The following NCALD variants were observed in gnomAD, a reference collection of about 807,000 sequenced individuals.
The protein encoded by NCALD is neurocalcin-delta.
A neutral mutation model predicts 18.6 loss-of-function variants in NCALD; 10 were observed. The observed-to-expected ratio is 0.54, with a 90% CI of 0.33 to 0.91. The LOEUF is 0.91. NCALD is among the 40% of genes least tolerant of loss of function. The pLI is 0.03. For synonymous variants in NCALD, 88 were observed against 87.4 expected, an observed-to-expected ratio of 1.01 and a Z score of -0.04; for missense variants, 184 against 247.6, an observed-to-expected ratio of 0.74 and a Z score of 1.72.
chr8:102,005,883 T>C (rs1056684367), intron 2 of NCALD, among the ~76,000 whole-genome samples: 5 of 13,406 alleles, frequency 3.7e-4, no homozygotes, highest in Non-Finnish European at 5.8e-4. Context: ...TGTTGTGGGG[T>C]GGGGGGGCAG....
chr8:101,964,661 T>C (rs1434757027), intron 2 of NCALD, among the ~76,000 whole-genome samples: 2 of 152,156 alleles, frequency 1.3e-5, no homozygotes, highest in East Asian at 3.9e-4. Flanking sequence ...GTTTGGTGAA[T>C]AGTGAGCCAA....
At chr8:101,954,528 T>C (rs1240484246) in intron 2 of NCALD, among the ~76,000 whole-genome samples, 2 of 152,148 alleles carry the variant, frequency 1.3e-5, no homozygotes, top group African/African-American at 4.8e-5. Flanking sequence ...AGGGAAACAA[T>C]CGTCATCCTC....
intron 3 of NCALD, among the ~76,000 whole-genome samples, chr8:101,895,518 A>G (rs1328933093): frequency 6.6e-6 from 1 of 151,230 alleles, no homozygotes; most frequent in East Asian, 1.9e-4. Context: ...GGCCAGGGCA[A>G]TTAGGCAGGA....
intron 1 of NCALD, among the ~76,000 whole-genome samples, chr8:101,755,018 T>C (rs1230488855): frequency 6.6e-6 from 1 of 152,212 alleles, no homozygotes; most frequent in Non-Finnish European, 1.5e-5. Context: ...GCACATCCTA[T>C]GACTATACTA....
chr8:101,938,056 G>A (rs771835328), intron 2 of NCALD, among the ~76,000 whole-genome samples: 18 of 152,178 alleles, frequency 1.2e-4, no homozygotes, highest in Admixed American at 2.0e-4. Context: ...ACCATGATGC[G>A]CCATGACTTG....
intron 2 of NCALD, among the ~76,000 whole-genome samples, chr8:101,949,050 G>A (rs543113452): frequency 3.9e-5 from 6 of 152,282 alleles, no homozygotes; most frequent in East Asian, 1.9e-4. Flanking sequence ...AGTCTGCCAG[G>A]TGCCACGTGT....
chr8:102,106,617 A>C (rs1160742582), intron 1 of NCALD, among the ~76,000 whole-genome samples: 4 of 151,956 alleles, frequency 2.6e-5, no homozygotes, highest in Non-Finnish European at 5.9e-5. Context: ...GGGCTGGTTA[A>C]TTTCATATAC....
intron 1 of NCALD, among the ~76,000 whole-genome samples, chr8:102,086,608 A>C (rs534912229): frequency 6.6e-6 from 1 of 152,236 alleles, no homozygotes; most frequent in African/African-American, 2.4e-5. Context: ...GTCCAGTCCA[A>C]TCCATCCTCT....
chr8:101,894,892 T>G (rs200590155), intron 3 of NCALD, among the ~76,000 whole-genome samples: 11 of 150,306 alleles, frequency 7.3e-5, no homozygotes, highest in African/African-American at 1.2e-4. Context: ...ACCAAAAAGA[T>G]TCCAGGACCA....
chr8:102,050,935 A>T (rs1438280910), intron 1 of NCALD, among the ~76,000 whole-genome samples: 1 of 147,494 alleles, frequency 6.8e-6, no homozygotes. Flanking sequence ...ATATATAAAT[A>T]AATTTTTGTA....
chr8:102,005,107 GA>G (rs1194928158), intron 2 of NCALD, among the ~76,000 whole-genome samples: 1 of 152,150 alleles, frequency 6.6e-6, no homozygotes, highest in African/African-American at 2.4e-5. Context: ...TACAAAATGG[GA>G]GAAAATTTTT....
At chr8:101,987,710 A>T (rs1820867434) in intron 2 of NCALD, among the ~76,000 whole-genome samples, 1 of 152,128 alleles carries the variant, frequency 6.6e-6, no homozygotes, top group Admixed American at 6.5e-5. Flanking sequence ...AGAGTCCAAG[A>T]TGTATTACAT....
chr8:102,010,954 T>G (rs1821883632), intron 2 of NCALD, among the ~76,000 whole-genome samples: 1 of 152,188 alleles, frequency 6.6e-6, no homozygotes, highest in African/African-American at 2.4e-5. Flanking sequence ...TCTTCATATA[T>G]CCCATGAATA....
In NCALD at chr8:102,008,969, A is replaced by AC. The variant is rs1215721845; in HGVS notation, c.-157+11267_-157+11268insG. 1.6e-3 allele frequency among the ~76,000 whole-genome samples: 180 copies of AC among 111,896 alleles called. 1 individual carries two copies. Among genetic ancestry groups the AC allele is most frequent in the Non-Finnish European group, 2.0e-3 (108 of 55,140 alleles). The allele number at this position is 111,896 out of a possible 152,430, so 73.4% of individuals were successfully genotyped here. ...ACACACACACACACACACACACACA[A>AC]GCCCTAAAAGGGAAGAGGAAAAGTT... is the stretch of plus-strand genomic sequence containing the variant. On this transcript the variant is annotated intron_variant, in intron 2 of 6. Coordinates refer to the NCALD transcript ENST00000311028.
chr8:102,118,095 A>T (rs1435772962), intron 1 of NCALD, among the ~76,000 whole-genome samples: 1 of 152,214 alleles, frequency 6.6e-6, no homozygotes, highest in Non-Finnish European at 1.5e-5. Flanking sequence ...TCCCACATCA[A>T]CAGGCCTTCT....
chr8:102,038,434 G>A (rs918985830), intron 1 of NCALD, among the ~76,000 whole-genome samples: 5 of 152,110 alleles, frequency 3.3e-5, no homozygotes, highest in South Asian at 2.1e-4. Flanking sequence ...GAAACACAGC[G>A]AACCTGTAAG....
At chr8:101,776,042 A>G (rs1024645584) in intron 1 of NCALD, among the ~76,000 whole-genome samples, 16 of 152,158 alleles carry the variant, frequency 1.1e-4, no homozygotes, top group Non-Finnish European at 2.1e-4. Flanking sequence ...CTGCCTCATC[A>G]AGTGAGGAGT....
rs1821473872 is a variant in NCALD at position 102,001,663 on chromosome 8, C to T, written c.-157+18574G>A. 2.0e-5 allele frequency among the ~76,000 whole-genome samples: 3 copies of T among 152,322 alleles called. No homozygotes were observed. The South Asian group carries it at 6.2e-4, about 32-fold the overall frequency. On this transcript the variant is annotated intron_variant, in intron 2 of 6. Transcript: ENST00000311028. ...TACCCACAAAGGGAAGCCCATCAGACTAACAGCTGATCTCTCAGCAGAAAC... is the reference window on the plus strand; with the variant it reads ...TACCCACAAAGGGAAGCCCATCAGATTAACAGCTGATCTCTCAGCAGAAAC...
At chr8:101,982,387 A>C (rs375889725) in intron 2 of NCALD, among the ~76,000 whole-genome samples, 2 of 152,234 alleles carry the variant, frequency 1.3e-5, no homozygotes, top group Admixed American at 6.5e-5. Context: ...ACTATAAACT[A>C]TAAGTTTTAC....
Sources: gnomAD v4.1 joint callset for allele counts (sites outside exome capture counted in the v4.1 genomes callset) on GRCh38, gnomAD v4.1.1 for gene constraint, MANE v1.5 for transcripts, NCBI Gene and HGNC (gene_info 2026-07-23, HGNC 2026-07-21) for gene names.